The following IL7 variants were observed in gnomAD, a reference collection of about 807,000 sequenced individuals.
The protein encoded by IL7 is interleukin 7.
A neutral mutation model predicts 21.6 loss-of-function variants in IL7; 3 were observed. The observed-to-expected ratio is 0.14, with a 90% confidence interval of 0.06 to 0.36. The LOEUF is 0.36. IL7 is among the 10% of genes least tolerant of loss of function. The pLI is 1.00. For missense variants in IL7, 175 were observed against 200.2 expected (o/e 0.87, Z 0.76); for synonymous variants, 62 against 68.1 (o/e 0.91, Z 0.44).
intron 4 of IL7, 28 bp from the exon 5 acceptor site, chr8:78,736,555 T>A: frequency 6.7e-7 from 1 of 1,489,426 alleles, no homozygotes; most frequent in South Asian, 1.2e-5. Flanking sequence ...ATTTATAATA[T>A]TGAATATTTC....
chr8:78,771,375 C>CA (rs1042276300), intron 2 of IL7, among the ~76,000 whole-genome samples: 1 of 152,072 alleles, frequency 6.6e-6, no homozygotes, highest in Non-Finnish European at 1.5e-5. Flanking sequence ...AGGTCTAAGG[C>CA]AGTTAAGACC....
At chr8:78,789,765 T>C (rs532635582) in intron 2 of IL7, among the ~76,000 whole-genome samples, 33 of 152,212 alleles carry the variant, frequency 2.2e-4, no homozygotes, top group African/African-American at 7.9e-4. Flanking sequence ...GGTGTTAAGA[T>C]GATATATTAA....
chr8:78,709,276 C>G (rs993302503), intron 3 of IL7, among the ~76,000 whole-genome samples: 1 of 151,988 alleles, frequency 6.6e-6, no homozygotes, highest in Non-Finnish European at 1.5e-5. Context: ...GTTTCTCATA[C>G]CTTATTTAAA....
intron 2 of IL7, chr8:78,761,631 C>A (rs2156711): frequency 0.052 from 83,698 of 1,611,944 alleles, 2,530 homozygotes; most frequent in Middle Eastern, 0.068. Flanking sequence ...TCCACTACAT[C>A]GTCAGTGATA....
rs745922636 is a variant in IL7, at chr8:78,798,231, A to G, written c.11-23T>C. Reference sequence around the variant, plus strand: ...AAACTAAATTTGACAGTAAATAAGAATGAGCTAAATGTTATATCGTATTGC... The same window carrying G: ...AAACTAAATTTGACAGTAAATAAGAGTGAGCTAAATGTTATATCGTATTGC... On this transcript the variant is annotated intron_variant, in intron 1 of 5. Coordinates refer to ENST00000263851, the MANE Select transcript of IL7 (RefSeq NM_000880.4). 3 of 1,562,474 alleles carry G rather than the reference A, an allele frequency of 1.9e-6. No homozygotes were observed. The South Asian group carries it at 3.4e-5, about 18-fold the overall frequency.
intron 3 of IL7, among the ~76,000 whole-genome samples, chr8:78,689,917 T>A (rs1810152705): frequency 6.6e-6 from 1 of 152,208 alleles, no homozygotes; most frequent in Admixed American, 6.5e-5. Flanking sequence ...CCATGTCTTC[T>A]ATAAGTTTTA....
At chr8:78,692,873 C>A (rs1385063068) in intron 3 of IL7, among the ~76,000 whole-genome samples, 1 of 151,902 alleles carries the variant, frequency 6.6e-6, no homozygotes, top group Non-Finnish European at 1.5e-5. Flanking sequence ...TAATGCTATC[C>A]CTCCCCACTC....
At chr8:78,737,137 A>G (rs1811620628) in intron 4 of IL7, among the ~76,000 whole-genome samples, 1 of 152,178 alleles carries the variant, frequency 6.6e-6, no homozygotes, top group African/African-American at 2.4e-5. Context: ...GATGATCCAT[A>G]TAAAGCTCAA....
chr8:78,801,483 G>A (rs950162568), intron 1 of IL7, among the ~76,000 whole-genome samples: 3 of 152,146 alleles, frequency 2.0e-5, no homozygotes, highest in African/African-American at 7.2e-5. Flanking sequence ...TTTGAGCCTG[G>A]AAGTCAAGGC....
chr8:78,741,331 T>A (rs1467357382), intron 2 of IL7, among the ~76,000 whole-genome samples: 2 of 152,242 alleles, frequency 1.3e-5, no homozygotes, highest in African/African-American at 4.8e-5. Flanking sequence ...ATTTAGTGGA[T>A]AATTAATATT....
intron 2 of IL7, chr8:78,761,987 C>T: frequency 1.9e-6 from 3 of 1,606,064 alleles, no homozygotes; most frequent in Non-Finnish European, 1.7e-6. Context: ...CTCATCTTGC[C>T]CTTCACCCTC....
At chr8:78,676,020 C>A in exon 5 of IL7, 2 of 476,422 alleles carry the variant, frequency 4.2e-6, no homozygotes, top group South Asian at 5.9e-5. Context: ...CTATGCCATT[C>A]TTCCAGAATG....
downstream of IL7, among the ~76,000 whole-genome samples, chr8:78,730,043 G>C (rs538394862): frequency 1.3e-5 from 2 of 151,986 alleles, no homozygotes; most frequent in South Asian, 4.1e-4. Flanking sequence ...GAATAAATCA[G>C]TAATCAACAA....
At chr8:78,709,014 C>G (rs571100724) in intron 3 of IL7, among the ~76,000 whole-genome samples, 4 of 152,230 alleles carry the variant, frequency 2.6e-5, no homozygotes, top group African/African-American at 9.6e-5. Flanking sequence ...TACAGTGAAA[C>G]ACAGATCTTT....
At chr8:78,677,585 T>A (rs1202267144) in intron 4 of IL7, among the ~76,000 whole-genome samples, 1 of 152,154 alleles carries the variant, frequency 6.6e-6, no homozygotes, top group East Asian at 1.9e-4. Context: ...TTTGTAATCC[T>A]AAAACTAATG....
chr8:78,776,408 A>G (rs1813141171), intron 2 of IL7, among the ~76,000 whole-genome samples: 1 of 152,140 alleles, frequency 6.6e-6, no homozygotes, highest in African/African-American at 2.4e-5. Flanking sequence ...GGAAGTTTCC[A>G]TAGAAGATTT....
downstream of IL7, chr8:78,715,375 A>G (rs1231473144): frequency 1.3e-6 from 2 of 1,517,190 alleles, no homozygotes; most frequent in African/African-American, 1.4e-5. Context: ...AATTGAGTAT[A>G]TGATAGTTTT....
rs1386630121 is a variant in IL7, at chr8:78,732,977, A to G, written c.*736T>C. The stretch of plus-strand genomic sequence containing the variant: ...TATTTAGACAAGTTATAATCTATAT[A>G]AATGACAATGTAACTCAGTACTAAG... On this transcript the variant is annotated 3_prime_UTR_variant, in exon 6 of 6. Transcript: ENST00000263851. 6.6e-6 allele frequency: 1 copy of G among 152,120 alleles called. No individual in the cohort carries two copies. Among genetic ancestry groups the G allele is most frequent in the African/African-American group, 2.4e-5 (1 of 41,444 alleles). 9.4% of individuals were successfully genotyped at this position (152,120 alleles called of 1,614,324 possible).
chr8:78,715,387 C>A, downstream of IL7: 6 of 1,450,578 alleles, frequency 4.1e-6, no homozygotes, highest in Middle Eastern at 3.6e-4. Flanking sequence ...GATAGTTTTC[C>A]AAGGACCATA....
Sources: allele counts gnomAD v4.1 joint callset (sites outside exome capture counted in the v4.1 genomes callset), GRCh38; gene constraint gnomAD v4.1.1; transcripts MANE v1.5; gene names NCBI Gene and HGNC (gene_info 2026-07-23, HGNC 2026-07-21).